Variants in SUMF1 observed in about 807,000 individuals in gnomAD.
The protein encoded by SUMF1 is sulfatase modifying factor 1, also known as formylglycine-generating enzyme.
SUMF1 carries 48 observed loss-of-function variants against 47.6 expected under a neutral mutation model. The ratio of observed to expected loss-of-function variants is 1.01; its 90% CI spans 0.80 to 1.28. SUMF1 has a LOEUF of 1.28. Ranked by LOEUF, SUMF1 falls within the 50% of genes most tolerant of loss-of-function variation. The pLI is 0.00. For missense variants in SUMF1, 571 were observed against 485.4 expected (o/e 1.18, Z -1.66); for synonymous variants, 230 against 192.1 (o/e 1.20, Z -1.63).
At chr3:4,326,522 G>GTTTTTTTTTTGT (rs1553556927) in intron 8 of SUMF1, among the ~76,000 whole-genome samples, 7 of 128,698 alleles carry the variant, frequency 5.4e-5, no homozygotes, top group African/African-American at 1.0e-4. Flanking sequence ...TTTTCCAAGG[G>GTTTTTTTTTTGT]TTTTTTTTTT....
chr3:4,390,032 A>G (rs946098166), intron 7 of SUMF1, among the ~76,000 whole-genome samples: 6 of 152,168 alleles, frequency 3.9e-5, no homozygotes, highest in Admixed American at 2.6e-4. Flanking sequence ...TGACTTTTCA[A>G]CTTAAACGTG....
chr3:4,190,530 C>A (rs898102800), intron 8 of SUMF1, among the ~76,000 whole-genome samples: 29 of 143,080 alleles, frequency 2.0e-4, no homozygotes, highest in Admixed American at 1.9e-3. Flanking sequence ...GCTCTGTGGG[C>A]CTGTTTAGCA....
chr3:4,080,202 G>A (rs17039797), intron 8 of SUMF1, among the ~76,000 whole-genome samples: 2,016 of 152,162 alleles, frequency 0.013, 44 homozygotes, highest in African/African-American at 0.046. Flanking sequence ...AAATGCACAC[G>A]TACATTCCAT....
chr3:4,451,148 TAAAC>T (rs1281557182), intron 2 of SUMF1, among the ~76,000 whole-genome samples: 2 of 152,066 alleles, frequency 1.3e-5, no homozygotes, highest in African/African-American at 4.8e-5. Context: ...AAAATATTAA[TAAAC>T]AAACCAGTGC....
At chr3:4,134,791 T>A (rs1198108009) in intron 8 of SUMF1, among the ~76,000 whole-genome samples, 1 of 152,010 alleles carries the variant, frequency 6.6e-6, no homozygotes, top group Non-Finnish European at 1.5e-5. Context: ...AAAGGGGGTA[T>A]CACCACCGAT....
At chr3:4,463,614 G>T (rs946043478) in intron 1 of SUMF1, among the ~76,000 whole-genome samples, 1 of 152,206 alleles carries the variant, frequency 6.6e-6, no homozygotes, top group African/African-American at 2.4e-5. Flanking sequence ...CTTCTTTGTA[G>T]GAGGTGGAAA....
At chr3:4,335,616 C>T (rs996583335) in intron 8 of SUMF1, among the ~76,000 whole-genome samples, 3 of 152,100 alleles carry the variant, frequency 2.0e-5, no homozygotes, top group Admixed American at 6.6e-5. Flanking sequence ...GCTCCCAGAC[C>T]TCAGCAAATC....
intron 9 of SUMF1, among the ~76,000 whole-genome samples, chr3:4,035,326 T>C (rs908505557): frequency 6.6e-6 from 1 of 152,146 alleles, no homozygotes; most frequent in Non-Finnish European, 1.5e-5. Flanking sequence ...AAGAATCCTT[T>C]GCCACTTCCA....
intron 8 of SUMF1, among the ~76,000 whole-genome samples, chr3:4,102,557 T>C (rs1438307683): frequency 6.6e-6 from 1 of 152,172 alleles, no homozygotes; most frequent in Non-Finnish European, 1.5e-5. Flanking sequence ...TGAGGTCTTG[T>C]CCATTATTCA....
At chr3:4,383,206 T>C (rs1700565787) in intron 7 of SUMF1, among the ~76,000 whole-genome samples, 1 of 151,930 alleles carries the variant, frequency 6.6e-6, no homozygotes, top group African/African-American at 2.4e-5. Flanking sequence ...TGGTGAAACC[T>C]TGTCTCTATT....
chr3:4,051,988 T>A (rs1220953257), intron 9 of SUMF1, among the ~76,000 whole-genome samples: 1 of 152,146 alleles, frequency 6.6e-6, no homozygotes, highest in Non-Finnish European at 1.5e-5. Flanking sequence ...TGGTTCTCTG[T>A]CTTACTCTAT....
chr3:4,098,342 C>T (rs1004660124), intron 8 of SUMF1, among the ~76,000 whole-genome samples: 1 of 152,094 alleles, frequency 6.6e-6, no homozygotes, highest in Non-Finnish European at 1.5e-5. Flanking sequence ...GACCAGCATA[C>T]ATAAACATTT....
chr3:4,350,341 G>T (rs1559237504), intron 8 of SUMF1, among the ~76,000 whole-genome samples: 4 of 147,158 alleles, frequency 2.7e-5, no homozygotes, highest in Non-Finnish European at 6.0e-5. Context: ...GCGTGTGTGT[G>T]TGTGTGTGTG....
At chr3:4,383,096 G>C (rs549664091) in intron 7 of SUMF1, among the ~76,000 whole-genome samples, 45 of 151,966 alleles carry the variant, frequency 3.0e-4, no homozygotes, top group Non-Finnish European at 5.6e-4. Context: ...AAAGAGATCA[G>C]GGCCGGGCGC....
chr3:4,193,382 A>G (rs1695362003), intron 8 of SUMF1, among the ~76,000 whole-genome samples: 1 of 152,098 alleles, frequency 6.6e-6, no homozygotes, highest in Non-Finnish European at 1.5e-5. Flanking sequence ...TCATTCTAGC[A>G]AATTTATCAG....
intron 8 of SUMF1, among the ~76,000 whole-genome samples, chr3:4,220,047 G>T (rs537202059): frequency 1.3e-5 from 2 of 152,248 alleles, no homozygotes; most frequent in East Asian, 1.9e-4. Context: ...GGATGGGAGG[G>T]AAAGAGTAAA....
chr3:4,128,403 A>G (rs980777060), intron 8 of SUMF1, among the ~76,000 whole-genome samples: 3 of 152,128 alleles, frequency 2.0e-5, no homozygotes, highest in Admixed American at 6.6e-5. Context: ...GCCAGAAGAA[A>G]CAGCTTCCCT....
intron 8 of SUMF1, among the ~76,000 whole-genome samples, chr3:4,184,706 T>C (rs1247292334): frequency 6.6e-6 from 1 of 150,804 alleles, no homozygotes; most frequent in Non-Finnish European, 1.5e-5. Context: ...TAGAGTATAG[T>C]GGTGTGATCT....
At chr3:4,227,554 C>T (rs1696201068) in intron 8 of SUMF1, among the ~76,000 whole-genome samples, 1 of 152,120 alleles carries the variant, frequency 6.6e-6, no homozygotes, top group South Asian at 2.1e-4. Flanking sequence ...ATGTTCTCCA[C>T]ACTACCTTGG....
Sources: allele counts gnomAD v4.1 joint callset (sites outside exome capture counted in the v4.1 genomes callset), GRCh38; gene constraint gnomAD v4.1.1; transcripts MANE v1.5; gene names NCBI Gene and HGNC (gene_info 2026-07-23, HGNC 2026-07-21).